The following ADAMTS1 variants were observed in gnomAD, a reference collection of about 807,000 sequenced individuals.
ADAMTS1 encodes A disintegrin and metalloproteinase with thrombospondin motifs 1.
In ADAMTS1, 19 loss-of-function variants were observed where a neutral mutation model predicts 87.9. The observed-to-expected ratio is 0.22, with a 90% confidence interval of 0.15 to 0.32. The LOEUF (loss-of-function observed/expected upper bound fraction) is 0.32. Ranked by LOEUF, ADAMTS1 falls within the 10% of genes least tolerant of loss-of-function variation. ADAMTS1 has a pLI of 1.00. For missense variants in ADAMTS1, 1,240 were observed against 1,259.1 expected, an observed-to-expected ratio of 0.98 and a Z score of 0.23; for synonymous variants, 542 against 501.8, an observed-to-expected ratio of 1.08 and a Z score of -1.07.
intron 8 of ADAMTS1, 36 bp from the exon 9 acceptor site, chr21:26,838,314 C>T (rs759270807): frequency 6.3e-7 from 1 of 1,575,150 alleles, no homozygotes; most frequent in South Asian, 1.2e-5. Flanking sequence ...ATCTCTGATT[C>T]ATTGGCTAAT....
At position 26,838,296 on chromosome 21, in the gene ADAMTS1, AG is replaced by A. The variant is rs1018024475; in HGVS notation, c.2205-19del. 1.9e-6 allele frequency: 3 copies of A among 1,589,102 alleles called. No homozygotes were observed. Among genetic ancestry groups the A allele is most frequent in the Non-Finnish European group, 1.7e-6 (2 of 1,166,016 alleles). ...ATCCAGGTCTGCAGGTGACAAAAAC[AG>A]GCATAAATCTCTGATTCATTGGCTA... On this transcript the variant is annotated intron_variant, in intron 8 of 8. Transcript: ENST00000284984.
intron 1 of ADAMTS1, among the ~76,000 whole-genome samples, chr21:26,843,304 T>C (rs1165476594): frequency 1.3e-5 from 2 of 152,182 alleles, no homozygotes; most frequent in African/African-American, 4.8e-5. Context: ...GCATGATTGA[T>C]TATTTGGAAC....
rs1216369483 is a variant in ADAMTS1 at position 26,836,821 on chromosome 21, TTG to T, written c.*756_*757del. ...AAGGAAGTTGGAGGTACTAAGCTCA[TTG>T]TGTCTCCTCTAGCTTTTACCAGCAT... On this transcript the variant is annotated 3_prime_UTR_variant, in exon 9 of 9. Coordinates refer to ENST00000284984, the MANE Select transcript of ADAMTS1 (RefSeq NM_006988.5). The T allele has an allele frequency of 1.3e-5, 2 of 152,258 alleles. No homozygotes were observed. Among genetic ancestry groups the T allele is most frequent in the African/African-American group, 4.8e-5 (2 of 41,466 alleles). 9.4% of individuals were successfully genotyped at this position (152,258 alleles called of 1,614,324 possible).
Position 26,836,901 on chromosome 21 carries a change from T to C in ADAMTS1, c.*678A>G, listed in dbSNP as rs950408138. The C allele has an allele frequency of 6.6e-6, 1 of 152,208 alleles. No homozygotes were observed. The highest frequency in any genetic ancestry group is 1.9e-4 in the East Asian group (1 of 5,198). The allele number at this position is 152,208 out of a possible 1,614,324, so 9.4% of individuals were successfully genotyped here. On this transcript the variant is annotated 3_prime_UTR_variant, in exon 9 of 9. Transcript: ENST00000284984. ...GTAGACTTTAATGCACTTGAATAAA[T>C]ACATGGAGTTGTTTTTTCCTCAAAA...
Position 26,840,058 on chromosome 21 carries a change from G to A in ADAMTS1, c.1669C>T (p.Pro557Ser). 1.2e-6 allele frequency: 2 copies of A among 1,612,490 alleles called. No homozygotes were observed. Among genetic ancestry groups the A allele is most frequent in the Non-Finnish European group, 8.5e-7 (1 of 1,179,594 alleles). Residue 557 changes from proline (P) to serine (S), a missense_variant, in exon 6 of 9, where the codon CCT (proline) becomes TCT (serine). By Grantham distance (74) the Pro-to-Ser change is moderately conservative. Transcript: ENST00000284984. ...NKTDRKHFDT[P>S]FHGSWGMWGP... ...CACATTCCCCAGCTTCCATGAAAAG[G>A]CGTCTAAATGGAGACATAAATCATC...
intron 3 of ADAMTS1, chr21:26,841,393 C>A: frequency 2.4e-6 from 1 of 413,616 alleles, no homozygotes; most frequent in South Asian, 4.0e-5. Flanking sequence ...GCAGCAGAAT[C>A]GCTTGAACCC....
Position 26,845,029 on chromosome 21 carries a change from C to T in ADAMTS1, c.-75G>A, listed in dbSNP as rs552835248. The T allele has an allele frequency of 5.8e-5, 84 of 1,452,302 alleles. No individual in the cohort carries two copies. The highest frequency in any genetic ancestry group is 1.9e-4 in the Middle Eastern group (1 of 5,388). 90.0% of individuals were successfully genotyped at this position (1,452,302 alleles called of 1,614,324 possible). Reference sequence around the variant, plus strand: ...TTAGTTCGGGTCGGGAGAGCAAAGCCTCGTTGGCCTGCTCTGGATTGTTAA... The same window carrying T: ...TTAGTTCGGGTCGGGAGAGCAAAGCTTCGTTGGCCTGCTCTGGATTGTTAA... On this transcript the variant is annotated 5_prime_UTR_variant, in exon 1 of 9. Transcript: ENST00000284984.
In ADAMTS1 at chr21:26,838,366, A is replaced by G. The variant is rs1007922867; in HGVS notation, c.2204+73T>C. The G allele has an allele frequency of 3.2e-6, 5 of 1,586,676 alleles. No individual in the cohort carries two copies. The African/African-American group carries it at 4.1e-5, about 13-fold the overall frequency. ...AAAACACATTAATCTTTTATGAGAC[A>G]TATTTTTTTCCCAGACCTGTTGAAA... On this transcript the variant is annotated intron_variant, in intron 8 of 8. Transcript: ENST00000284984.
rs1985375853 is a variant in ADAMTS1, at chr21:26,836,922, C to T, written c.*657G>A. ...TAAATACATGGAGTTGTTTTTTCCTCAAAATGAATTACACAAATAAAGACT... is the reference window on the plus strand; with the variant it reads ...TAAATACATGGAGTTGTTTTTTCCTTAAAATGAATTACACAAATAAAGACT... On this transcript the variant is annotated 3_prime_UTR_variant, in exon 9 of 9. Coordinates refer to ENST00000284984, the MANE Select transcript of ADAMTS1 (RefSeq NM_006988.5). 2 of 152,046 alleles carry T rather than the reference C, an allele frequency of 1.3e-5. No individual in the cohort carries two copies. Among genetic ancestry groups the T allele is most frequent in the South Asian group, 4.2e-4 (2 of 4,806 alleles). The allele number at this position is 152,046 out of a possible 1,614,324, so 9.4% of individuals were successfully genotyped here.
chr21:26,837,973 T>C lies in ADAMTS1; in HGVS notation c.2510A>G (p.Lys837Arg), dbSNP rs1227085319. 1 of 1,614,216 alleles carries C rather than the reference T, an allele frequency of 6.2e-7. No homozygotes were observed. Among genetic ancestry groups the C allele is most frequent in the Non-Finnish European group, 8.5e-7 (1 of 1,180,040 alleles). ...CTTCTTCTTTACGAAGTAGGTGTAT[T>C]TAATTTTAGGTCGAAGGGCATTGCC... ...TVGNALRPKI[K>R]YTYFVKKKKE... Residue 837 changes from lysine to arginine, a missense_variant, in exon 9 of 9, where the codon AAA (lysine) becomes AGA (arginine). Transcript: ENST00000284984.
In ADAMTS1 at chr21:26,837,666, A is replaced by G. The variant is rs1985396235; in HGVS notation, c.2817T>C (p.Asp939=). 4.3e-6 allele frequency: 7 copies of G among 1,614,084 alleles called. No homozygotes were observed. The South Asian group carries it at 7.7e-5, about 18-fold the overall frequency. Residue 939 remains aspartate, a synonymous_variant, in exon 9 of 9, where the codon GAT becomes GAC. Coordinates refer to ENST00000284984, the MANE Select transcript of ADAMTS1 (RefSeq NM_006988.5). The part of the protein sequence containing the change: ...KKRSLKCLSH[D]GGVLSHESCD... ...AGCTCTCATGAGATAACACCCCTCC[A>G]TCATGGGACAGACACTTCAAGCTTC... is the stretch of plus-strand genomic sequence containing the variant.
In ADAMTS1 at chr21:26,842,889, C is replaced by A. The variant is rs910218397; in HGVS notation, c.731-204G>T. On this transcript the variant is annotated intron_variant, in intron 1 of 8. Transcript: ENST00000284984. ...CTCCTTTAAATAAAAAGACCACGCGCTCCTTTGCATGGTCAGGATCTTTCT... is the reference window on the plus strand; with the variant it reads ...CTCCTTTAAATAAAAAGACCACGCGATCCTTTGCATGGTCAGGATCTTTCT... 3 of 584,400 alleles carry A rather than the reference C, an allele frequency of 5.1e-6. No individual in the cohort carries two copies. The South Asian group carries it at 6.3e-5, about 12-fold the overall frequency. 36.2% of individuals were successfully genotyped at this position (584,400 alleles called of 1,614,324 possible). A position where few individuals can be genotyped will look rare whatever the true frequency, so the allele number is the denominator to read the frequency against.
At chr21:26,843,345 C>G in intron 1 of ADAMTS1, 1 of 401,044 alleles carries the variant, frequency 2.5e-6, no homozygotes, top group Non-Finnish European at 5.1e-6. Flanking sequence ...GAGACCCAAC[C>G]CCTGCAGAAA....
chr21:26,843,155 T>A, intron 1 of ADAMTS1: 1 of 280,540 alleles, frequency 3.6e-6, no homozygotes, highest in Non-Finnish European at 6.9e-6. Context: ...AATCTCAGAC[T>A]GCACAGCTCT....
intron 3 of ADAMTS1, 66 bp downstream of exon 3, chr21:26,841,792 T>C (rs1453635517): frequency 2.6e-6 from 4 of 1,535,052 alleles, no homozygotes; most frequent in Admixed American, 2.0e-5. Context: ...AGACTCTCCT[T>C]CTTATATTGT....
Position 26,844,418 on chromosome 21 carries a change from T to C in ADAMTS1, c.537A>G (p.Ala179=), listed in dbSNP as rs772613638. Residue 179 remains alanine (A), a synonymous_variant, in exon 1 of 9, where the codon GCA becomes GCG. Coordinates refer to ENST00000284984, the MANE Select transcript of ADAMTS1 (RefSeq NM_006988.5). ...GCCGCAGGAGGTGGAACTGTAGTGG[T>C]GCCGGCGGCTTCTCCCCTGGGGCGG... is the stretch of plus-strand genomic sequence containing the variant. ...ATAAPGEKPP[A]PLQFHLLRRN... is the part of the protein sequence containing the mutation. 5.0e-6 allele frequency: 8 copies of C among 1,589,240 alleles called. No individual in the cohort carries two copies. Among genetic ancestry groups the C allele is most frequent in the Non-Finnish European group, 6.8e-6 (8 of 1,168,510 alleles).
intron 4 of ADAMTS1, 64 bp downstream of exon 4, chr21:26,840,934 T>C: frequency 6.5e-7 from 1 of 1,535,876 alleles, no homozygotes; most frequent in East Asian, 2.3e-5. Context: ...AAAGAGTTCA[T>C]TTAACTAAAC....
rs1301700488 is a variant in ADAMTS1, at chr21:26,842,953, C to T, written c.731-268G>A. The T allele has an allele frequency of 3.8e-5, 18 of 472,228 alleles. No individual in the cohort carries two copies. In the East Asian group the frequency reaches 6.5e-4, roughly 17 times the overall value. The allele number at this position is 472,228 out of a possible 1,614,324, so 29.3% of individuals were successfully genotyped here. A position where few individuals can be genotyped will look rare whatever the true frequency, so the allele number is the denominator to read the frequency against. ...ATTTCTTCTGTTCTCTTTGAAATCC[C>T]ACAGTCTGAACAAGGCAATTTCGCA... On this transcript the variant is annotated intron_variant, in intron 1 of 8. Transcript: ENST00000284984.
At position 26,836,985 on chromosome 21, in the gene ADAMTS1, T is replaced by A. The variant is rs1985377807; in HGVS notation, c.*594A>T. ...AAAAGGAAAGAGGAAGCCATTTGCG[T>A]TATTTCACGTTGCTGAGCCTTTCTC... is the stretch of plus-strand genomic sequence containing the variant. On this transcript the variant is annotated 3_prime_UTR_variant, in exon 9 of 9. Coordinates refer to ENST00000284984, the MANE Select transcript of ADAMTS1 (RefSeq NM_006988.5). 1 of 152,322 alleles carries A rather than the reference T, an allele frequency of 6.6e-6. No individual in the cohort carries two copies. Among genetic ancestry groups the A allele is most frequent in the Non-Finnish European group, 1.5e-5 (1 of 68,144 alleles). The allele number at this position is 152,322 out of a possible 1,614,324, so 9.4% of individuals were successfully genotyped here.
Sources: gnomAD v4.1 joint callset for allele counts (sites outside exome capture counted in the v4.1 genomes callset) on GRCh38, gnomAD v4.1.1 for gene constraint, MANE v1.5 for transcripts, NCBI Gene and HGNC (gene_info 2026-07-23, HGNC 2026-07-21) for gene names.